RANBP2: variants seen among roughly 807,000 people sequenced by gnomAD.
The protein encoded by RANBP2 is RAN binding protein 2, also known as E3 SUMO-protein ligase RanBP2.
RANBP2 carries 57 observed loss-of-function variants against 303.6 expected under a neutral mutation model. That is an observed-to-expected ratio of 0.19 (90% CI 0.15 to 0.23). RANBP2 has a LOEUF of 0.23. RANBP2 is among the 10% of genes least tolerant of loss of function. The pLI is 1.00. For synonymous variants in RANBP2, 1,167 were observed against 1,301.5 expected (o/e 0.90, Z 2.23); for missense variants, 3,138 against 3,780.8 (o/e 0.83, Z 4.46).
the RANBP2 span, among the ~76,000 whole-genome samples, chr2:109,702,803 T>TG: frequency 2.1e-5 from 1 of 47,486 alleles, no homozygotes; most frequent in South Asian, 1.9e-3. Flanking sequence ...TCTGAATCAG[T>TG]CTTTTTTTTT....
At chr2:109,402,299 T>G in the RANBP2 span, among the ~76,000 whole-genome samples, 1 of 152,246 alleles carries the variant, frequency 6.6e-6, no homozygotes, top group Non-Finnish European at 1.5e-5. Flanking sequence ...GGTCCTGCTG[T>G]GACCACAGTG....
the RANBP2 span, among the ~76,000 whole-genome samples, chr2:109,181,387 A>T: frequency 6.6e-6 from 1 of 152,066 alleles, no homozygotes; most frequent in African/African-American, 2.4e-5. Flanking sequence ...CAGTCTTGCC[A>T]CTCACGTCTT....
the RANBP2 span, among the ~76,000 whole-genome samples, chr2:109,505,326 A>G: frequency 2.6e-5 from 4 of 152,176 alleles, no homozygotes. Flanking sequence ...ACATCTACGT[A>G]TACATTTGAG....
chr2:108,803,085 A>G, the RANBP2 span, among the ~76,000 whole-genome samples: 114 of 152,292 alleles, frequency 7.5e-4, no homozygotes, highest in African/African-American at 2.6e-3. Context: ...ATCCTAATGC[A>G]TTTCTCAAAG....
the RANBP2 span, among the ~76,000 whole-genome samples, chr2:109,318,557 G>A: frequency 1.3e-5 from 2 of 152,218 alleles, no homozygotes; most frequent in Admixed American, 6.5e-5. Context: ...GTCCTTGCGG[G>A]TGTGTTGGTT....
At chr2:109,611,538 G>A in the RANBP2 span, among the ~76,000 whole-genome samples, 2 of 151,974 alleles carry the variant, frequency 1.3e-5, no homozygotes, top group African/African-American at 2.4e-5. Context: ...CGGGAGGATC[G>A]CTTGAGCCCA....
At chr2:109,740,089 C>T in the RANBP2 span, among the ~76,000 whole-genome samples, 10,319 of 148,016 alleles carry the variant, frequency 0.07, 1,008 homozygotes, top group Middle Eastern at 0.11. Flanking sequence ...TGAGTTCAAG[C>T]GATTCTCCTG....
chr2:108,798,107 G>C, the RANBP2 span, among the ~76,000 whole-genome samples: 1 of 152,008 alleles, frequency 6.6e-6, no homozygotes, highest in Non-Finnish European at 1.5e-5. Flanking sequence ...GTAAAATAGT[G>C]GACTATGATG....
At chr2:109,037,996 C>T in the RANBP2 span, among the ~76,000 whole-genome samples, 102 of 152,260 alleles carry the variant, frequency 6.7e-4, 2 homozygotes, top group Admixed American at 6.0e-3. Context: ...ATAGCTTAAC[C>T]AAACTGGATA....
chr2:109,286,492 T>A, the RANBP2 span, among the ~76,000 whole-genome samples: 31 of 152,130 alleles, frequency 2.0e-4, no homozygotes, highest in Non-Finnish European at 3.5e-4. Context: ...CACAAGGCCA[T>A]CTATGCTTAT....
the RANBP2 span, among the ~76,000 whole-genome samples, chr2:108,930,461 C>T: frequency 1.3e-5 from 2 of 152,088 alleles, no homozygotes; most frequent in East Asian, 1.9e-4. Context: ...ACTAGAACCA[C>T]CCTGCCTCAC....
the RANBP2 span, among the ~76,000 whole-genome samples, chr2:109,188,236 G>A: frequency 6.6e-6 from 1 of 152,236 alleles, no homozygotes; most frequent in African/African-American, 2.4e-5. Context: ...TAGCAGGGGT[G>A]CCTCTGAAAA....
At chr2:109,537,981 A>T in the RANBP2 span, among the ~76,000 whole-genome samples, 1 of 151,742 alleles carries the variant, frequency 6.6e-6, no homozygotes, top group Admixed American at 6.6e-5. Context: ...ACACACACAA[A>T]CACACACACA....
chr2:108,923,532 T>G, the RANBP2 span: 2 of 1,353,054 alleles, frequency 1.5e-6, no homozygotes, highest in East Asian at 4.6e-5. Flanking sequence ...GAGAGCACGG[T>G]GGCCAGTCTG....
the RANBP2 span, among the ~76,000 whole-genome samples, chr2:109,509,686 C>T: frequency 6.6e-6 from 1 of 152,118 alleles, no homozygotes; most frequent in Admixed American, 6.5e-5. Flanking sequence ...AATTTCTCAT[C>T]CTCCACCCCC....
intron 20 of RANBP2, among the ~76,000 whole-genome samples, 177 bp downstream of exon 20, chr2:108,768,565 C>G (rs1212206093): frequency 6.6e-6 from 1 of 152,092 alleles, no homozygotes; most frequent in African/African-American, 2.4e-5. Flanking sequence ...TTTCAAAGAG[C>G]AAGAGAACTT....
chr2:109,688,485 A>C, the RANBP2 span, among the ~76,000 whole-genome samples: 1 of 152,236 alleles, frequency 6.6e-6, no homozygotes, highest in East Asian at 1.9e-4. Flanking sequence ...CTTTAGAATC[A>C]ATGTAAAATT....
the RANBP2 span, among the ~76,000 whole-genome samples, chr2:108,796,738 A>C: frequency 4.6e-5 from 7 of 152,188 alleles, no homozygotes; most frequent in Admixed American, 1.3e-4. Context: ...CAGACATTGC[A>C]TGTTCTCACT....
the RANBP2 span, among the ~76,000 whole-genome samples, chr2:109,236,129 T>C: frequency 6.6e-6 from 1 of 152,182 alleles, no homozygotes; most frequent in Non-Finnish European, 1.5e-5. Context: ...CCAAGATCAA[T>C]AGTTTATTTC....
Sources: gnomAD v4.1 joint callset for allele counts (sites outside exome capture counted in the v4.1 genomes callset) on GRCh38, gnomAD v4.1.1 for gene constraint, MANE v1.5 for transcripts, NCBI Gene and HGNC (gene_info 2026-07-23, HGNC 2026-07-21) for gene names.